C1orf141: variants seen among roughly 807,000 people sequenced by gnomAD.
The protein encoded by C1orf141 is uncharacterized protein C1orf141.
A neutral mutation model predicts 23.2 loss-of-function variants in C1orf141; 19 were observed. The observed-to-expected ratio is 0.82, with a 90% CI of 0.57 to 1.20. The LOEUF is 1.20. Among genes scored for constraint, C1orf141 ranks in the 50% most tolerant of loss-of-function variants. The probability of loss-of-function intolerance (pLI) is 0.00; values close to 1 mark genes in which losing one functional copy is unlikely to be tolerated. For synonymous variants in C1orf141, 153 were observed against 154.6 expected, an observed-to-expected ratio of 0.99 and a Z score of 0.08; for missense variants, 469 against 455.1, an observed-to-expected ratio of 1.03 and a Z score of -0.28.
chr1:67,111,268 T>C (rs1646065520), intron 5 of C1orf141, among the ~76,000 whole-genome samples: 1 of 152,088 alleles, frequency 6.6e-6, no homozygotes, highest in South Asian at 2.1e-4. Flanking sequence ...TTTAATAAAT[T>C]TGGATGTTTA....
At chr1:67,138,932 C>A (rs6693659), upstream of C1orf141, 9,934 of 152,448 alleles carry the variant, frequency 0.065, 494 homozygotes, top group African/African-American at 0.14. Flanking sequence ...AGGGCCCAGA[C>A]AATTTTATTC....
intron 5 of C1orf141, among the ~76,000 whole-genome samples, chr1:67,099,897 T>C (rs1645760336): frequency 6.6e-6 from 1 of 152,240 alleles, no homozygotes; most frequent in Non-Finnish European, 1.5e-5. Context: ...GTATTTTGTA[T>C]TTTAAATGAA....
intron 5 of C1orf141, chr1:67,103,152 G>A (rs1219994945): frequency 3.0e-6 from 2 of 672,076 alleles, no homozygotes; most frequent in Admixed American, 3.1e-5. Context: ...AATATTCCTT[G>A]GATAAAGATT....
upstream of C1orf141, chr1:67,135,049 G>A (rs1471038304): frequency 6.8e-6 from 1 of 147,290 alleles, no homozygotes; most frequent in Non-Finnish European, 1.5e-5. Context: ...GCCTACCTCT[G>A]AAAGGCCTAG....
At position 67,093,489 on chromosome 1, in the gene C1orf141, T is replaced by C; in HGVS notation, c.719A>G (p.His240Arg). ...HPLENENIYP[H>R]KRTNFILERN... Reference sequence around the variant, plus strand: ...TTCTAAAATGAAATTTGTTCTTTTATGTGGGTAAATGTTTTCATTTTCCAA... The same window carrying C: ...TTCTAAAATGAAATTTGTTCTTTTACGTGGGTAAATGTTTTCATTTTCCAA... The change falls in exon 8 of 8, where the codon CAT (histidine) becomes CGT (arginine). Residue 240 changes from histidine (H) to arginine (R), a missense_variant. By Grantham distance (29) the His-to-Arg change is conservative (BLOSUM62 0). This residue lies in a region of C1orf141 where 370 missense variants were observed against 348.1 expected (regional missense o/e 1.06). Transcript: ENST00000684719. 2.5e-6 allele frequency: 4 copies of C among 1,608,452 alleles called. No homozygotes were observed. The highest frequency in any genetic ancestry group is 3.4e-6 in the Non-Finnish European group (4 of 1,175,830).
chr1:67,129,336 G>T (rs191922158), intron 2 of C1orf141, among the ~76,000 whole-genome samples: 233 of 152,138 alleles, frequency 1.5e-3, no homozygotes, highest in African/African-American at 5.2e-3. Context: ...TGCATCTATA[G>T]TCCCAGCTGC....
intron 5 of C1orf141, among the ~76,000 whole-genome samples, chr1:67,111,391 A>G (rs1646069397): frequency 6.6e-6 from 1 of 152,120 alleles, no homozygotes; most frequent in Admixed American, 6.5e-5. Flanking sequence ...CAAATAATAT[A>G]TTATCTTCTC....
Position 67,104,730 on chromosome 1 carries a change from C to T in C1orf141, c.347-8409G>A, listed in dbSNP as rs558418425. On this transcript the variant is annotated intron_variant, in intron 5 of 7. Transcript: ENST00000684719. Reference sequence around the variant, plus strand: ...TTATAAGCTGGCATAGTCTTAAAAGCCAAAGTCTGGAAAAATAAAGAAGCT... The same window carrying T: ...TTATAAGCTGGCATAGTCTTAAAAGTCAAAGTCTGGAAAAATAAAGAAGCT... 6.6e-5 allele frequency among the ~76,000 whole-genome samples: 10 copies of T among 152,160 alleles called. No homozygotes were observed. In the South Asian group the frequency reaches 2.1e-3, roughly 32 times the overall value.
chr1:67,099,501 TGA>T (rs1645753059), intron 5 of C1orf141, among the ~76,000 whole-genome samples: 1 of 152,170 alleles, frequency 6.6e-6, no homozygotes, highest in Non-Finnish European at 1.5e-5. Context: ...CAGATGGGGC[TGA>T]GTGTGGTGGC....
upstream of C1orf141, among the ~76,000 whole-genome samples, chr1:67,135,848 GA>G (rs1398007679): frequency 4.6e-5 from 4 of 87,416 alleles, no homozygotes; most frequent in East Asian, 3.7e-4. Flanking sequence ...AGAAGAAAAG[GA>G]AAAAAAGCAC....
chr1:67,108,449 C>A (rs935987273), intron 5 of C1orf141, among the ~76,000 whole-genome samples: 1 of 152,192 alleles, frequency 6.6e-6, no homozygotes, highest in Non-Finnish European at 1.5e-5. Context: ...TAAGTTTCAA[C>A]ATATGAATTT....
intron 2 of C1orf141, among the ~76,000 whole-genome samples, chr1:67,128,549 C>A (rs1179034793): frequency 6.6e-6 from 1 of 151,934 alleles, no homozygotes; most frequent in Non-Finnish European, 1.5e-5. Context: ...ACTAAAAATA[C>A]AAAAATTAGC....
At chr1:67,122,901 C>A (rs1435218219) in intron 4 of C1orf141, 2 of 152,060 alleles carry the variant, frequency 1.3e-5, no homozygotes, top group African/African-American at 4.8e-5. Flanking sequence ...TTCCCAAGTA[C>A]TCTTAAAAGT....
At position 67,095,349 on chromosome 1, in the gene C1orf141, C is replaced by A. The variant is rs1645651420; in HGVS notation, c.489G>T (p.Lys163Asn). ...NKSVRNYQLS[K>N]YRSVRKKSLL... ...AGCTTTTCTTTCTTACTGACCTATA[C>A]TTACTTAATTGATAATTTCTGACCG... The change falls in exon 7 of 8, where the codon AAG (lysine) becomes AAT (asparagine). Residue 163 changes from lysine to asparagine, a missense_variant. Physicochemically the swap from Lys to Asn is moderately conservative, Grantham distance 94. Coordinates refer to ENST00000684719, the MANE Select transcript of C1orf141 (RefSeq NM_001276351.2). 6.3e-7 allele frequency: 1 copy of A among 1,577,922 alleles called. No individual in the cohort carries two copies. Among genetic ancestry groups the A allele is most frequent in the Non-Finnish European group, 8.7e-7 (1 of 1,155,078 alleles).
intron 4 of C1orf141, among the ~76,000 whole-genome samples, chr1:67,121,367 C>T (rs899799025): frequency 1.3e-5 from 2 of 152,090 alleles, no homozygotes; most frequent in African/African-American, 4.8e-5. Flanking sequence ...CATTTTCTTC[C>T]TCACTTTCTT....
rs1289731083 is a variant in C1orf141 at position 67,127,209 on chromosome 1, A to G, written c.32T>C (p.Val11Ala). The change falls in exon 3 of 8, where the codon GTC becomes GCC. Residue 11 changes from valine (V) to alanine (A), a missense_variant. Physicochemically the swap from Val to Ala is moderately conservative, Grantham distance 64 (BLOSUM62 0). This residue lies in a region of C1orf141 where 95 missense variants were observed against 90.3 expected (regional missense o/e 1.05). Coordinates refer to ENST00000684719, the MANE Select transcript of C1orf141 (RefSeq NM_001276351.2). MAEKILEKLD[V>A]LDKQAEIILA... ...GATTATCTCTGCTTGCTTATCAAGG[A>G]CATCCAACTTCTCTAGGATTTTTTC... 3.7e-6 allele frequency: 6 copies of G among 1,609,680 alleles called. No homozygotes were observed. The highest frequency in any genetic ancestry group is 5.1e-6 in the Non-Finnish European group (6 of 1,178,446).
chr1:67,094,246 G>A (rs6679223), intron 7 of C1orf141: 90,763 of 152,020 alleles, frequency 0.6, 28,832 homozygotes, highest in East Asian at 0.85. Flanking sequence ...CTGAAAAGAT[G>A]ACAAAGATCT....
chr1:67,106,513 G>T (rs1448440459), intron 5 of C1orf141, among the ~76,000 whole-genome samples: 3 of 151,948 alleles, frequency 2.0e-5, no homozygotes, highest in African/African-American at 7.3e-5. Context: ...AAAAAAATTA[G>T]CTGAGAGTGG....
chr1:67,094,181 A>T (rs1009619777), intron 7 of C1orf141: 1 of 152,230 alleles, frequency 6.6e-6, no homozygotes, highest in African/African-American at 2.4e-5. Flanking sequence ...AAAGTAATAG[A>T]TTGACTTAAG....
Sources: gnomAD v4.1 joint callset for allele counts (sites outside exome capture counted in the v4.1 genomes callset) on GRCh38, gnomAD v4.1.1 for gene constraint, gnomAD v4.1.1 regional missense constraint, MANE v1.5 for transcripts, NCBI Gene and HGNC (gene_info 2026-07-23, HGNC 2026-07-21) for gene names.